Variants in GON4L observed in about 807,000 individuals in gnomAD.
The protein encoded by GON4L is GON-4-like protein.
GON4L carries 87 observed loss-of-function variants against 211.8 expected under a neutral mutation model. The observed-to-expected ratio is 0.41, with a 90% CI of 0.35 to 0.49. The LOEUF (loss-of-function observed/expected upper bound fraction) is 0.49, where lower values mean the gene tolerates loss of function less well. Ranked by LOEUF, GON4L falls within the 20% of genes least tolerant of loss-of-function variation. GON4L has a pLI of 0.15. For missense variants in GON4L, 2,155 were observed against 2,659.5 expected (o/e 0.81, Z 4.17); for synonymous variants, 875 against 962.6 (o/e 0.91, Z 1.68).
chr1:155,858,703 ATTTTTTTT>A (rs61526659), upstream of GON4L, among the ~76,000 whole-genome samples: 6 of 89,288 alleles, frequency 6.7e-5, no homozygotes, highest in Non-Finnish European at 8.6e-5. Flanking sequence ...GTACAACCAA[ATTTTTTTT>A]TTTTTTTTTT....
intron 1 of GON4L, among the ~76,000 whole-genome samples, chr1:155,855,271 T>C (rs531353669): frequency 6.6e-6 from 1 of 152,298 alleles, no homozygotes; most frequent in South Asian, 2.1e-4. Flanking sequence ...GTCTCTCATC[T>C]TTCTCTTTCT....
Position 155,766,436 on chromosome 1 carries a change from GGA to G in GON4L, c.3035_3036del (p.Leu1012ProfsTer52). ...KPLLIQPSPS[L>X]QPSFNPGKTP... is the part of the protein sequence containing the mutation. Reference sequence around the variant, plus strand: ...GTTTTCCCAGGGTTGAAGCTGGGCTGGAGAGAGGGGCTGGGTTGGATAAGGAG... The same window carrying G: ...GTTTTCCCAGGGTTGAAGCTGGGCTGGAGAGGGGCTGGGTTGGATAAGGAG... On this transcript the variant is annotated frameshift_variant, in exon 21 of 32. Coordinates refer to ENST00000368331, the MANE Select transcript of GON4L (RefSeq NM_001282860.2). LOFTEE classifies it high-confidence loss of function. The G allele has an allele frequency of 6.2e-7, 1 of 1,614,166 alleles. No homozygotes were observed. The highest frequency in any genetic ancestry group is 8.5e-7 in the Non-Finnish European group (1 of 1,180,024).
chr1:155,844,281 G>T (rs920844992), intron 2 of GON4L, among the ~76,000 whole-genome samples: 1 of 152,192 alleles, frequency 6.6e-6, no homozygotes, highest in Non-Finnish European at 1.5e-5. Context: ...CAACAGACTA[G>T]TCTTGGATTG....
downstream of GON4L, chr1:155,747,865 G>C (rs1346203734): frequency 6.3e-7 from 1 of 1,590,470 alleles, no homozygotes; most frequent in Admixed American, 1.7e-5. Flanking sequence ...ATAATAACTT[G>C]GGGCCTGCTA....
chr1:155,745,704 G>A, downstream of GON4L: 1 of 810,930 alleles, frequency 1.2e-6, no homozygotes, highest in Non-Finnish European at 1.9e-6. Flanking sequence ...TCTCCAATGG[G>A]AAAGGATGTG....
chr1:155,760,873 C>T (rs1661712755), intron 23 of GON4L, among the ~76,000 whole-genome samples: 1 of 152,188 alleles, frequency 6.6e-6, no homozygotes, highest in South Asian at 2.1e-4. Flanking sequence ...CCACGTTCCA[C>T]AGTTCTACCC....
At chr1:155,807,581 G>C (rs1667254819) in intron 10 of GON4L, among the ~76,000 whole-genome samples, 1 of 150,846 alleles carries the variant, frequency 6.6e-6, no homozygotes, top group Non-Finnish European at 1.5e-5. Flanking sequence ...GCAGGCGCCT[G>C]TAGTCCCAGC....
At chr1:155,756,741 A>G in intron 27 of GON4L, 1 of 496,464 alleles carries the variant, frequency 2.0e-6, no homozygotes, top group Non-Finnish European at 3.7e-6. Context: ...CCTGGCCAAC[A>G]TAGTGAAAAT....
rs952499401 is a variant in GON4L at position 155,764,807 on chromosome 1, A to G, written c.4473+193T>C. 1.3e-4 allele frequency: 186 copies of G among 1,395,498 alleles called. 1 individual carries two copies. In the Admixed American group the frequency reaches 3.2e-3, roughly 24 times the overall value. 86.4% of individuals were successfully genotyped at this position (1,395,498 alleles called of 1,614,324 possible). A position where few individuals can be genotyped will look rare whatever the true frequency, so the allele number is the denominator to read the frequency against. On this transcript the variant is annotated intron_variant, in intron 21 of 31. Transcript: ENST00000368331. ...AATTTAATGTGTAAACGAGTTTAAT[A>G]TAATAAGTAAAATTTCATCCTTTCC...
intron 2 of GON4L, among the ~76,000 whole-genome samples, chr1:155,829,625 A>C (rs187850333): frequency 9.9e-5 from 15 of 152,282 alleles, no homozygotes; most frequent in Admixed American, 7.2e-4. Context: ...CCAAAAAATA[A>C]ACAATATAAA....
chr1:155,841,059 T>C (rs192733245), intron 2 of GON4L, among the ~76,000 whole-genome samples: 49 of 152,312 alleles, frequency 3.2e-4, no homozygotes, highest in African/African-American at 1.2e-3. Context: ...ACTGCTTTAA[T>C]GAGACACAGG....
At chr1:155,772,919 G>C (rs1663355654) in intron 18 of GON4L, 147 bp downstream of exon 18, 1 of 996,754 alleles carries the variant, frequency 1.0e-6, no homozygotes, top group Non-Finnish European at 1.6e-6. Context: ...ACGTCCTAGA[G>C]GGCTCTGCTC....
rs192308057 is a variant in GON4L, at chr1:155,774,844, A to G, written c.2350+158T>C. 1.2e-3 allele frequency: 1,051 copies of G among 853,868 alleles called. 1 individual carries two copies. Among genetic ancestry groups the G allele is most frequent in the Non-Finnish European group, 1.8e-3 (931 of 522,698 alleles). 52.9% of individuals were successfully genotyped at this position (853,868 alleles called of 1,614,324 possible). On this transcript the variant is annotated intron_variant, in intron 17 of 31. Transcript: ENST00000368331. ...ATTATCATGTAATTCTAGAACTTGG[A>G]TAATGAGTACAAAGGGAGGATAAAA...
intron 2 of GON4L, 43 bp from the exon 3 acceptor site, chr1:155,827,071 A>C: frequency 5.9e-5 from 80 of 1,364,882 alleles, no homozygotes; most frequent in Non-Finnish European, 8.1e-5. Flanking sequence ...GACCATTCTC[A>C]GTCATACTCT....
At chr1:155,796,929 G>A (rs1252379996) in intron 11 of GON4L, among the ~76,000 whole-genome samples, 1 of 152,052 alleles carries the variant, frequency 6.6e-6, no homozygotes, top group Non-Finnish European at 1.5e-5. Flanking sequence ...AAAAATATAT[G>A]TTATACTGCT....
At chr1:155,760,402 G>A in intron 24 of GON4L, 42 bp downstream of exon 24, 1 of 1,265,018 alleles carries the variant, frequency 7.9e-7, no homozygotes, top group Non-Finnish European at 1.1e-6. Flanking sequence ...GTCTCACTCT[G>A]ACCCAGGAGT....
intron 21 of GON4L, chr1:155,764,616 T>C: frequency 6.8e-6 from 3 of 443,962 alleles, no homozygotes; most frequent in Non-Finnish European, 8.3e-6. Context: ...ATTTTTGTTA[T>C]TTTTAATATA....
Position 155,765,523 on chromosome 1 carries a change from G to C in GON4L, c.3950C>G (p.Thr1317Ser), listed in dbSNP as rs1394700059. 1.9e-6 allele frequency: 3 copies of C among 1,614,014 alleles called. No homozygotes were observed. Among genetic ancestry groups the C allele is most frequent in the Non-Finnish European group, 8.5e-7 (1 of 1,180,042 alleles). ...GACAATTTCCTCTAAATCCCCAGGG[G>C]TAGGGTTGTTTAGAGACTCCTGGAT... ...QGIQESLNNP[T>S]PGDLEEIVKM... Residue 1317 changes from threonine (T) to serine (S), a missense_variant, in exon 21 of 32, where the codon ACC (threonine) becomes AGC (serine). Around this residue, in one of 6 missense-constraint regions of GON4L, gnomAD observed 615 missense variants for 625.7 expected, o/e 0.98. Transcript: ENST00000368331.
chr1:155,811,262 G>C (rs1251450545), intron 10 of GON4L, among the ~76,000 whole-genome samples: 1 of 149,218 alleles, frequency 6.7e-6, no homozygotes, highest in Non-Finnish European at 1.5e-5. Flanking sequence ...GCATGGTGCG[G>C]GCGCCTGTAG....
Sources: gnomAD v4.1 joint callset for allele counts (sites outside exome capture counted in the v4.1 genomes callset) on GRCh38, gnomAD v4.1.1 for gene constraint, gnomAD v4.1.1 regional missense constraint, MANE v1.5 for transcripts, NCBI Gene and HGNC (gene_info 2026-07-23, HGNC 2026-07-21) for gene names.